Variants in ATP13A4 observed in about 807,000 individuals in gnomAD.
ATP13A4 encodes ATPase 13A4, also known as probable cation-transporting ATPase 13A4.
ATP13A4 carries 114 observed loss-of-function variants against 142.5 expected under a neutral mutation model. The observed-to-expected ratio is 0.80, with a 90% confidence interval of 0.69 to 0.93. The LOEUF is 0.93. ATP13A4 is among the 40% of genes least tolerant of loss of function. The probability of loss-of-function intolerance (pLI) is 0.00; values close to 1 mark genes in which losing one functional copy is unlikely to be tolerated. For missense variants in ATP13A4, 1,392 were observed against 1,454.0 expected (o/e 0.96, Z 0.69); for synonymous variants, 488 against 514.8 (o/e 0.95, Z 0.70).
intron 2 of ATP13A4, among the ~76,000 whole-genome samples, chr3:193,576,067 G>C (rs1004419925): frequency 5.9e-5 from 9 of 151,984 alleles, no homozygotes; most frequent in Non-Finnish European, 1.2e-4. Context: ...CTAGCCATCC[G>C]CAAGGAAGAA....
intron 2 of ATP13A4, among the ~76,000 whole-genome samples, chr3:193,570,757 C>T (rs192926382): frequency 2.0e-4 from 30 of 152,254 alleles, no homozygotes; most frequent in African/African-American, 5.5e-4. Context: ...ATCCTGTGTA[C>T]CAGTTGTGTG....
intron 1 of ATP13A4, among the ~76,000 whole-genome samples, chr3:193,552,786 C>T (rs1007763555): frequency 6.6e-6 from 1 of 152,150 alleles, no homozygotes; most frequent in Non-Finnish European, 1.5e-5. Flanking sequence ...GTTGATGCAA[C>T]CTTAGGGAAA....
chr3:193,456,190 G>A (rs1274037705), intron 16 of ATP13A4, among the ~76,000 whole-genome samples: 1 of 152,018 alleles, frequency 6.6e-6, no homozygotes, highest in Admixed American at 6.5e-5. Context: ...AAAAAAAGGA[G>A]TGAAATTGAA....
intron 14 of ATP13A4, chr3:193,458,701 C>T (rs1477496391): frequency 4.8e-6 from 2 of 416,070 alleles, no homozygotes; most frequent in Non-Finnish European, 8.7e-6. Context: ...CTGGAGAAAG[C>T]AATGTTTTCT....
At chr3:193,465,654 A>T (rs9840676) in intron 11 of ATP13A4, among the ~76,000 whole-genome samples, 2 of 152,194 alleles carry the variant, frequency 1.3e-5, no homozygotes, top group Non-Finnish European at 2.9e-5. Context: ...GTCTGCCATG[A>T]CCTCACCAAA....
At chr3:193,573,930 T>C (rs1041635402) in intron 2 of ATP13A4, among the ~76,000 whole-genome samples, 4 of 152,216 alleles carry the variant, frequency 2.6e-5, no homozygotes, top group Non-Finnish European at 5.9e-5. Context: ...TTTGCATTCC[T>C]GCTATAACCT....
chr3:193,442,199 T>C (rs1243518790), intron 19 of ATP13A4, among the ~76,000 whole-genome samples, 194 bp downstream of exon 19: 2 of 152,220 alleles, frequency 1.3e-5, no homozygotes, highest in African/African-American at 4.8e-5. Flanking sequence ...GATGGATTAT[T>C]TCCAGCACAC....
At chr3:193,570,943 G>C (rs1216415285) in intron 2 of ATP13A4, among the ~76,000 whole-genome samples, 1 of 152,102 alleles carries the variant, frequency 6.6e-6, no homozygotes, top group Non-Finnish European at 1.5e-5. Context: ...TATTAAAGGG[G>C]TGTAAAATTT....
intron 9 of ATP13A4, among the ~76,000 whole-genome samples, chr3:193,469,858 A>C (rs561676472): frequency 6.4e-4 from 98 of 152,326 alleles, no homozygotes; most frequent in African/African-American, 2.3e-3. Flanking sequence ...ACAGTATATT[A>C]AGGCTACTTT....
chr3:193,478,524 G>C (rs1425297626), intron 8 of ATP13A4, among the ~76,000 whole-genome samples: 1 of 151,938 alleles, frequency 6.6e-6, no homozygotes, highest in Non-Finnish European at 1.5e-5. Flanking sequence ...AGAAAATCTA[G>C]AGGAGATGGA....
intron 1 of ATP13A4, among the ~76,000 whole-genome samples, chr3:193,588,329 ACC>A (rs1206134208): frequency 6.6e-6 from 1 of 152,074 alleles, no homozygotes; most frequent in Non-Finnish European, 1.5e-5. Context: ...CACCTGAATA[ACC>A]CATTCACACT....
At chr3:193,587,572 T>G (rs577224316) in intron 1 of ATP13A4, among the ~76,000 whole-genome samples, 13 of 152,344 alleles carry the variant, frequency 8.5e-5, no homozygotes, top group African/African-American at 3.1e-4. Flanking sequence ...AGATCTGATA[T>G]CTGCACAGGT....
At chr3:193,510,571 A>G (rs1023025734) in intron 2 of ATP13A4, among the ~76,000 whole-genome samples, 1 of 152,234 alleles carries the variant, frequency 6.6e-6, no homozygotes, top group African/African-American at 2.4e-5. Context: ...AATCAGAAGT[A>G]GATGAATAAT....
At chr3:193,554,602 G>C (rs949939454) in intron 1 of ATP13A4, 138 bp downstream of exon 1, 2 of 1,089,600 alleles carry the variant, frequency 1.8e-6, no homozygotes, top group Admixed American at 1.8e-5. Context: ...ACCTTTTCTC[G>C]TGTAATACCA....
At chr3:193,418,767 T>C (rs1715253816) in intron 25 of ATP13A4, among the ~76,000 whole-genome samples, 1 of 149,926 alleles carries the variant, frequency 6.7e-6, no homozygotes, top group Non-Finnish European at 1.5e-5. Flanking sequence ...CTTCCCCCTG[T>C]GGCCTACAAG....
chr3:193,520,076 T>C (rs1271250180), intron 1 of ATP13A4, among the ~76,000 whole-genome samples: 1 of 152,116 alleles, frequency 6.6e-6, no homozygotes, highest in Non-Finnish European at 1.5e-5. Flanking sequence ...ATCACATACA[T>C]TATCTGCATG....
At chr3:193,440,768 T>C in intron 20 of ATP13A4, 131 bp from the exon 21 acceptor site, 1 of 934,154 alleles carries the variant, frequency 1.1e-6, no homozygotes, top group Non-Finnish European at 1.6e-6. Context: ...CCAATGAGCC[T>C]TCCTTTGGAT....
At chr3:193,441,822 G>A (rs1170906651) in intron 19 of ATP13A4, among the ~76,000 whole-genome samples, 1 of 152,134 alleles carries the variant, frequency 6.6e-6, no homozygotes, top group Admixed American at 6.5e-5. Flanking sequence ...TTTGATCTTG[G>A]TGAGTCCCAG....
chr3:193,519,864 C>T (rs1721624881), intron 1 of ATP13A4, among the ~76,000 whole-genome samples: 1 of 151,820 alleles, frequency 6.6e-6, no homozygotes, highest in Admixed American at 6.6e-5. Context: ...AGGCTGGTCT[C>T]GAACTCCCGA....
Sources: allele counts gnomAD v4.1 joint callset (sites outside exome capture counted in the v4.1 genomes callset), GRCh38; gene constraint gnomAD v4.1.1; transcripts MANE v1.5; gene names NCBI Gene and HGNC (gene_info 2026-07-23, HGNC 2026-07-21).